The following PTPRD variants were observed in gnomAD, a reference collection of about 807,000 sequenced individuals.
PTPRD encodes the protein protein tyrosine phosphatase receptor type D.
A neutral mutation model predicts 214.5 loss-of-function variants in PTPRD; 34 were observed. That is an observed-to-expected ratio of 0.16 (90% CI 0.12 to 0.21). PTPRD has a LOEUF of 0.21. Ranked by LOEUF, PTPRD falls within the 10% of genes least tolerant of loss-of-function variation. The pLI is 1.00. For synonymous variants in PTPRD, 1,128 were observed against 845.7 expected (o/e 1.33, Z -5.79); for missense variants, 2,545 against 2,398.7 (o/e 1.06, Z -1.27).
At chr9:10,468,686 G>T (rs1450702552) in intron 2 of PTPRD, among the ~76,000 whole-genome samples, 5 of 151,852 alleles carry the variant, frequency 3.3e-5, no homozygotes, top group African/African-American at 7.3e-5. Flanking sequence ...AGAGGGAAAG[G>T]CTTATTAAAA....
intron 8 of PTPRD, among the ~76,000 whole-genome samples, chr9:9,470,147 G>T (rs1327593327): frequency 1.3e-5 from 2 of 152,142 alleles, no homozygotes; most frequent in Non-Finnish European, 2.9e-5. Flanking sequence ...TGAACTAGTG[G>T]TGTTAATAGT....
rs564697901 is a variant in PTPRD, at chr9:8,853,193, T to C, written c.-103-119247A>G. Among the ~76,000 whole-genome samples, 16 of 152,310 alleles carry C rather than the reference T, an allele frequency of 1.1e-4. No individual in the cohort carries two copies. In the South Asian group the frequency reaches 2.9e-3, roughly 28 times the overall value. ...TCATTAATTCTCCAGTCTAGCACCA[T>C]TGTGATGGCATTATTATTTAGGTTA... On this transcript the variant is annotated intron_variant, in intron 11 of 45. Transcript: ENST00000381196.
chr9:9,485,128 C>T (rs2095574223), intron 8 of PTPRD, among the ~76,000 whole-genome samples: 1 of 152,164 alleles, frequency 6.6e-6, no homozygotes, highest in African/African-American at 2.4e-5. Flanking sequence ...GCTGTCGTTT[C>T]AGGACTTCTC....
At chr9:9,667,650 A>G (rs1330545145) in intron 7 of PTPRD, among the ~76,000 whole-genome samples, 2 of 152,174 alleles carry the variant, frequency 1.3e-5, no homozygotes, top group African/African-American at 2.4e-5. Context: ...ACTCATCTAG[A>G]AACTAGACAA....
intron 9 of PTPRD, among the ~76,000 whole-genome samples, chr9:9,232,997 C>T (rs1007649812): frequency 6.6e-6 from 1 of 152,128 alleles, no homozygotes; most frequent in Non-Finnish European, 1.5e-5. Flanking sequence ...TCTAACCCAA[C>T]CTTGTCCAAT....
intron 39 of PTPRD, among the ~76,000 whole-genome samples, chr9:8,346,476 T>G (rs1416448719): frequency 6.6e-6 from 1 of 152,088 alleles, no homozygotes; most frequent in African/African-American, 2.4e-5. Context: ...AATGGAAAAT[T>G]CCAGAAATAA....
chr9:8,919,321 G>GA lies in PTPRD; in HGVS notation c.-104+99375_-104+99376insT, dbSNP rs530347646. 4.0e-5 allele frequency among the ~76,000 whole-genome samples: 6 copies of GA among 151,678 alleles called. No homozygotes were observed. The South Asian group carries it at 1.3e-3, about 32-fold the overall frequency. ...GGCAGGAGAATCGCTTGAACCTGGG[G>GA]GGTGGAGGTGCAGTGAGCCGAGGCT... is the stretch of plus-strand genomic sequence containing the variant. On this transcript the variant is annotated intron_variant, in intron 11 of 45. Coordinates refer to ENST00000381196, the MANE Select transcript of PTPRD (RefSeq NM_002839.4).
intron 8 of PTPRD, among the ~76,000 whole-genome samples, chr9:9,494,187 T>C (rs568788267): frequency 1.3e-5 from 2 of 152,328 alleles, no homozygotes; most frequent in African/African-American, 2.4e-5. Context: ...AAAGAATGTG[T>C]TTTCATGAGA....
intron 3 of PTPRD, among the ~76,000 whole-genome samples, chr9:10,205,768 T>C (rs1288011858): frequency 1.3e-5 from 2 of 152,166 alleles, no homozygotes; most frequent in East Asian, 3.8e-4. Flanking sequence ...AATATATATC[T>C]AGAATTTTAA....
chr9:9,553,438 C>T (rs952715002), intron 8 of PTPRD, among the ~76,000 whole-genome samples: 1 of 152,004 alleles, frequency 6.6e-6, no homozygotes, highest in Non-Finnish European at 1.5e-5. Flanking sequence ...ACATAATTCC[C>T]ATTTAACAGA....
chr9:10,418,391 A>G (rs556165914), intron 2 of PTPRD, among the ~76,000 whole-genome samples: 1 of 150,614 alleles, frequency 6.6e-6, no homozygotes, highest in East Asian at 2.0e-4. Flanking sequence ...CCATTGTGAG[A>G]GTTCTCTCTA....
At chr9:8,715,453 T>C (rs1053606312) in intron 12 of PTPRD, among the ~76,000 whole-genome samples, 4 of 152,140 alleles carry the variant, frequency 2.6e-5, no homozygotes, top group Non-Finnish European at 4.4e-5. Context: ...GTGTAGAATA[T>C]ATAGAAGCTG....
At chr9:9,972,654 C>T (rs1324532094) in intron 4 of PTPRD, among the ~76,000 whole-genome samples, 2 of 152,144 alleles carry the variant, frequency 1.3e-5, no homozygotes, top group Non-Finnish European at 2.9e-5. Flanking sequence ...ATCAACCTCA[C>T]TATGCTAAAG....
intron 8 of PTPRD, among the ~76,000 whole-genome samples, chr9:9,436,053 G>C (rs1227441481): frequency 6.6e-6 from 1 of 152,158 alleles, no homozygotes; most frequent in East Asian, 1.9e-4. Context: ...CTGACTTCCT[G>C]ATCCTTCCAA....
chr9:9,623,259 G>T (rs140524510), intron 7 of PTPRD, among the ~76,000 whole-genome samples: 1 of 152,254 alleles, frequency 6.6e-6, no homozygotes, highest in Middle Eastern at 3.4e-3. Flanking sequence ...AAAAGAAACT[G>T]GGTGGTTCTT....
chr9:8,923,276 A>C (rs1020292298), intron 11 of PTPRD, among the ~76,000 whole-genome samples: 2 of 151,716 alleles, frequency 1.3e-5, no homozygotes, highest in African/African-American at 4.8e-5. Context: ...TCCTGACCTT[A>C]GGTGATCCGC....
intron 3 of PTPRD, among the ~76,000 whole-genome samples, chr9:10,136,454 A>G (rs886448104): frequency 3.9e-5 from 6 of 152,144 alleles, no homozygotes; most frequent in Admixed American, 6.6e-5. Context: ...CACTCAGAAC[A>G]TACTCTAAGA....
At chr9:9,062,275 A>G (rs1014769496) in intron 10 of PTPRD, among the ~76,000 whole-genome samples, 4 of 152,202 alleles carry the variant, frequency 2.6e-5, no homozygotes, top group African/African-American at 9.6e-5. Flanking sequence ...GAGATATAAA[A>G]ATATTAAACA....
At chr9:9,493,279 T>A (rs935852739) in intron 8 of PTPRD, among the ~76,000 whole-genome samples, 3 of 152,090 alleles carry the variant, frequency 2.0e-5, no homozygotes, top group Non-Finnish European at 4.4e-5. Context: ...TACACTGTAG[T>A]ACCAAATTTT....
Sources: allele counts gnomAD v4.1 joint callset (sites outside exome capture counted in the v4.1 genomes callset), GRCh38; gene constraint gnomAD v4.1.1; transcripts MANE v1.5; gene names NCBI Gene and HGNC (gene_info 2026-07-23, HGNC 2026-07-21).